The following RYR2 variants were observed in gnomAD, a reference collection of about 807,000 sequenced individuals.
RYR2 encodes cardiac muscle ryanodine receptor-calcium release channel.
Under a neutral mutation model 601.1 loss-of-function variants are expected in RYR2, and 227 were observed. The observed-to-expected ratio is 0.38, with a 90% confidence interval of 0.34 to 0.42. The LOEUF (loss-of-function observed/expected upper bound fraction) is 0.42, where lower values mean the gene tolerates loss of function less well. RYR2 is among the 10% of genes least tolerant of loss of function. RYR2 has a pLI of 1.00. For synonymous variants in RYR2, 2,223 were observed against 2,175.1 expected, an observed-to-expected ratio of 1.02 and a Z score of -0.61; for missense variants, 4,646 against 6,156.5, an observed-to-expected ratio of 0.75 and a Z score of 8.21.
intron 100 of RYR2, among the ~76,000 whole-genome samples, chr1:237,815,573 G>A (rs993250609): frequency 2.6e-5 from 4 of 152,268 alleles, no homozygotes; most frequent in African/African-American, 4.8e-5. Flanking sequence ...GTCCACTACC[G>A]ATCTCTGCTG....
intron 16 of RYR2, among the ~76,000 whole-genome samples, chr1:237,465,629 A>G (rs1474713809): frequency 6.6e-6 from 1 of 152,140 alleles, no homozygotes; most frequent in African/African-American, 2.4e-5. Context: ...CGGCTATGCT[A>G]TACGGGATGG....
intron 89 of RYR2, among the ~76,000 whole-genome samples, chr1:237,782,522 C>T (rs1195285385): frequency 2.0e-5 from 3 of 152,270 alleles, no homozygotes; most frequent in South Asian, 2.1e-4. Flanking sequence ...TGTCACGCCT[C>T]GTGCTAGGAC....
chr1:237,238,241 G>T (rs61832418), intron 1 of RYR2, among the ~76,000 whole-genome samples: 1 of 151,814 alleles, frequency 6.6e-6, no homozygotes, highest in Non-Finnish European at 1.5e-5. Context: ...AAAGTGCTGG[G>T]ATTACAGGCG....
intron 1 of RYR2, among the ~76,000 whole-genome samples, chr1:237,153,564 A>T (rs994580422): frequency 6.6e-6 from 1 of 152,072 alleles, no homozygotes; most frequent in Non-Finnish European, 1.5e-5. Flanking sequence ...GGCATGGAAC[A>T]GTTATAGATA....
chr1:237,386,731 G>A (rs536616065), intron 8 of RYR2, among the ~76,000 whole-genome samples: 2 of 152,148 alleles, frequency 1.3e-5, no homozygotes, highest in South Asian at 2.1e-4. Flanking sequence ...TCTGAATTTC[G>A]GAAGAAATGT....
At chr1:237,441,285 G>C (rs750736457) in intron 12 of RYR2, 34 bp from the exon 13 acceptor site, 1 of 1,612,162 alleles carries the variant, frequency 6.2e-7, no homozygotes, top group Admixed American at 1.7e-5. Context: ...TTTTTGAAAT[G>C]TTTACTGACC....
intron 42 of RYR2, 145 bp downstream of exon 42, chr1:237,631,686 T>G (rs1395984535): frequency 3.4e-5 from 15 of 445,640 alleles, no homozygotes; most frequent in Admixed American, 5.3e-5. Context: ...TGGAGTGCAG[T>G]GCACGATCTC....
intron 8 of RYR2, among the ~76,000 whole-genome samples, chr1:237,383,414 C>CTTTTTTTTTTTTTTT (rs1558724426): frequency 1.5e-5 from 1 of 64,782 alleles, no homozygotes; most frequent in Non-Finnish European, 3.4e-5. Context: ...TTTCTTTTTT[C>CTTTTTTTTTTTTTTT]TTGTTTTTTT....
At chr1:237,529,053 G>T (rs1228527200) in intron 24 of RYR2, among the ~76,000 whole-genome samples, 1 of 152,028 alleles carries the variant, frequency 6.6e-6, no homozygotes, top group Admixed American at 6.6e-5. Flanking sequence ...TATCATAATT[G>T]CCTGTTGTCT....
Position 237,566,869 on chromosome 1 carries a change from C to T in RYR2, c.3423+94C>T, listed in dbSNP as rs2779401. On this transcript the variant is annotated intron_variant, in intron 28 of 104. Transcript: ENST00000366574. ...TGGTAGCTTCACAGTACCAGTGTTT[C>T]CCACAGCACAAACGTGGAAAAATAT... is the stretch of plus-strand genomic sequence containing the variant. 0.98 allele frequency: 1,281,945 copies of T among 1,303,432 alleles called. 632,092 individuals carry two copies. The highest frequency in any genetic ancestry group is 1 in the East Asian group (43,079 of 43,086). 80.7% of individuals were successfully genotyped at this position (1,303,432 alleles called of 1,614,324 possible).
chr1:237,621,513 T>G (rs115362592), intron 38 of RYR2, among the ~76,000 whole-genome samples: 2,766 of 152,060 alleles, frequency 0.018, 30 homozygotes, highest in Non-Finnish European at 0.027. Flanking sequence ...CTAAAACAAC[T>G]GAAAAAGAAA....
intron 103 of RYR2, 65 bp from the exon 104 acceptor site, chr1:237,831,449 A>G (rs1378324359): frequency 1.4e-5 from 12 of 874,638 alleles, no homozygotes; most frequent in Admixed American, 8.4e-5. Context: ...ATTTATCTAA[A>G]TATGCCCTGT....
intron 20 of RYR2, among the ~76,000 whole-genome samples, chr1:237,498,769 T>C (rs1484661977): frequency 6.6e-6 from 1 of 152,108 alleles, no homozygotes; most frequent in East Asian, 1.9e-4. Flanking sequence ...AGTAGAACAA[T>C]AAGAACAACA....
chr1:237,048,066 C>G lies in RYR2; in HGVS notation c.48+5497C>G, dbSNP rs547504568. Among the ~76,000 whole-genome samples, 7 of 152,292 alleles carry G rather than the reference C, an allele frequency of 4.6e-5. No homozygotes were observed. In the South Asian group the frequency reaches 1.5e-3, roughly 32 times the overall value. ...AGACTTCCCTCTTGCCTCTCGGACC[C>G]CAGAAACACCAGCTTGACATCATTG... On this transcript the variant is annotated intron_variant, in intron 1 of 104. Transcript: ENST00000366574.
intron 71 of RYR2, among the ~76,000 whole-genome samples, chr1:237,714,417 G>T (rs1689089500): frequency 1.3e-5 from 2 of 152,138 alleles, no homozygotes; most frequent in Admixed American, 1.3e-4. Context: ...AATAGGTCTT[G>T]GAAAATGAGT....
intron 2 of RYR2, among the ~76,000 whole-genome samples, chr1:237,288,648 G>A (rs981366348): frequency 3.9e-5 from 6 of 152,016 alleles, no homozygotes; most frequent in Non-Finnish European, 8.8e-5. Context: ...AGGGCCAGTC[G>A]TACTCCCACT....
At chr1:237,433,600 T>C (rs1707056437) in intron 12 of RYR2, among the ~76,000 whole-genome samples, 1 of 152,180 alleles carries the variant, frequency 6.6e-6, no homozygotes, top group Non-Finnish European at 1.5e-5. Flanking sequence ...TCATCACATT[T>C]GATCATGGTC....
intron 1 of RYR2, 47 bp from the exon 2 acceptor site, chr1:237,270,450 C>T (rs1426645389): frequency 6.4e-7 from 1 of 1,552,256 alleles, no homozygotes; most frequent in South Asian, 1.2e-5. Flanking sequence ...ACTGTGCAGT[C>T]ATGTCACGTC....
At chr1:237,545,427 C>T (rs992565567) in intron 25 of RYR2, among the ~76,000 whole-genome samples, 1 of 152,146 alleles carries the variant, frequency 6.6e-6, no homozygotes, top group Non-Finnish European at 1.5e-5. Context: ...GCATGTATCC[C>T]TCATTAGGGT....
Sources: gnomAD v4.1 joint callset for allele counts (sites outside exome capture counted in the v4.1 genomes callset) on GRCh38, gnomAD v4.1.1 for gene constraint, MANE v1.5 for transcripts, NCBI Gene and HGNC (gene_info 2026-07-23, HGNC 2026-07-21) for gene names.